The following CCDC83 variants were observed in gnomAD, a reference collection of about 807,000 sequenced individuals.
The protein encoded by CCDC83 is coiled-coil domain-containing protein 83.
Under a neutral mutation model 50.1 loss-of-function variants are expected in CCDC83, and 54 were observed. The ratio of observed to expected loss-of-function variants is 1.08; its 90% confidence interval spans 0.87 to 1.35. The LOEUF is 1.35. Ranked by LOEUF, CCDC83 falls within the 40% of genes most tolerant of loss-of-function variation. The pLI is 0.00. For missense variants in CCDC83, 518 were observed against 473.9 expected (o/e 1.09, Z -0.86); for synonymous variants, 161 against 153.3 (o/e 1.05, Z -0.37).
At chr11:85,891,145 C>T (rs550629473) in intron 5 of CCDC83, among the ~76,000 whole-genome samples, 1 of 152,344 alleles carries the variant, frequency 6.6e-6, no homozygotes, top group South Asian at 2.1e-4. Context: ...TGTCCCCCTT[C>T]TCTTCTACTT....
intron 3 of CCDC83, among the ~76,000 whole-genome samples, chr11:85,873,896 C>T (rs1293081039): frequency 5.9e-5 from 9 of 152,178 alleles, no homozygotes; most frequent in Admixed American, 5.9e-4. Context: ...TGATGAAATA[C>T]TGAGAGTGCC....
chr11:85,914,948 C>G (rs1229484112), intron 8 of CCDC83, among the ~76,000 whole-genome samples: 10 of 152,130 alleles, frequency 6.6e-5, no homozygotes, highest in Non-Finnish European at 1.3e-4. Context: ...AGAAAAGCCC[C>G]TTATAAATTA....
intron 5 of CCDC83, among the ~76,000 whole-genome samples, chr11:85,893,059 TTC>T (rs1339999565): frequency 6.6e-6 from 1 of 151,704 alleles, no homozygotes; most frequent in Non-Finnish European, 1.5e-5. Flanking sequence ...AACTCTCCCT[TTC>T]TCTCTCTCTC....
Position 85,916,074 on chromosome 11 carries a change from G to C in CCDC83, c.921G>C (p.Leu307Phe), listed in dbSNP as rs1264543323. The C allele has an allele frequency of 1.2e-6, 2 of 1,613,264 alleles. No homozygotes were observed. The highest frequency in any genetic ancestry group is 1.7e-5 in the Admixed American group (1 of 59,928). The change falls in exon 10 of 11, where the codon TTG (leucine) becomes TTC (phenylalanine). Residue 307 changes from leucine to phenylalanine, a missense_variant. Physicochemically the swap from Leu to Phe is conservative, Grantham distance 22. Transcript: ENST00000342404. Reference protein sequence around the residue: ...LQPTEVESRDLMSSSDESTIL... With the variant: ...LQPTEVESRDFMSSSDESTIL... ...CCACAGAAGTAGAAAGTAGAGACTT[G>C]ATGTCCTCATCAGATGAGAGCACTA... is the stretch of plus-strand genomic sequence containing the variant.
chr11:85,910,212 C>A (rs1278709755), intron 7 of CCDC83, among the ~76,000 whole-genome samples: 2 of 152,182 alleles, frequency 1.3e-5, no homozygotes, highest in Non-Finnish European at 2.9e-5. Flanking sequence ...TCCGATGGCA[C>A]CAGGATGGCT....
Position 85,882,667 on chromosome 11 carries a change from A to G in CCDC83, c.335A>G (p.Asn112Ser). ...KWKFERDQEK[N>S]LRDMRMQISN... The stretch of plus-strand genomic sequence containing the variant: ...AAGTTTGAAAGAGACCAGGAAAAAA[A>G]CTTGAGAGGTGATTTAGGAACATAG... The change falls in exon 4 of 11, where the codon AAC becomes AGC. Residue 112 changes from asparagine to serine, a missense_variant. Asn to Ser is a conservative substitution (Grantham distance 46, BLOSUM62 1). Coordinates refer to ENST00000342404, the MANE Select transcript of CCDC83 (RefSeq NM_001286159.2). The G allele has an allele frequency of 1.2e-6, 2 of 1,613,614 alleles. No individual in the cohort carries two copies. The highest frequency in any genetic ancestry group is 1.7e-5 in the Admixed American group (1 of 59,914).
intron 1 of CCDC83, among the ~76,000 whole-genome samples, chr11:85,860,628 G>A (rs558839926): frequency 7.9e-5 from 12 of 152,206 alleles, no homozygotes; most frequent in Non-Finnish European, 1.3e-4. Context: ...CAGCAATCTC[G>A]CTACTGGATA....
At chr11:85,875,261 C>A (rs1181901005) in intron 3 of CCDC83, among the ~76,000 whole-genome samples, 1 of 152,136 alleles carries the variant, frequency 6.6e-6, no homozygotes, top group African/African-American at 2.4e-5. Context: ...GGATGAGGAC[C>A]AATCAGAGGA....
At position 85,908,605 on chromosome 11, in the gene CCDC83, AGATAGACAGAT is replaced by A. The variant is rs1186455625; in HGVS notation, c.673-2675_673-2665del. 4.2e-3 allele frequency among the ~76,000 whole-genome samples: 558 copies of A among 134,264 alleles called. 1 individual carries two copies. The highest frequency in any genetic ancestry group is 6.0e-3 in the Non-Finnish European group (372 of 62,404). The allele number at this position is 134,264 out of a possible 152,430, so 88.1% of individuals were successfully genotyped here. On this transcript the variant is annotated intron_variant, in intron 7 of 10. Transcript: ENST00000342404. ...TAGATAGATAGATAGATAGATAGAT[AGATAGACAGAT>A]AGAATTCATGGCCGGGTGGCTCATG...
chr11:85,889,731 C>T (rs1202845981), intron 5 of CCDC83, among the ~76,000 whole-genome samples: 7 of 152,162 alleles, frequency 4.6e-5, no homozygotes, highest in African/African-American at 1.7e-4. Flanking sequence ...AATTCTCCTC[C>T]AATGATTATG....
At chr11:85,907,448 T>C (rs1197622589) in intron 7 of CCDC83, among the ~76,000 whole-genome samples, 1 of 152,210 alleles carries the variant, frequency 6.6e-6, no homozygotes, top group African/African-American at 2.4e-5. Flanking sequence ...ATTTCAAGTA[T>C]GAGGAGACAT....
At chr11:85,883,355 T>C (rs528452555) in intron 4 of CCDC83, among the ~76,000 whole-genome samples, 150 of 152,116 alleles carry the variant, frequency 9.9e-4, no homozygotes, top group Non-Finnish European at 1.6e-3. Flanking sequence ...CAGCTTAGAT[T>C]TGGGAATGAT....
At chr11:85,886,998 G>A (rs1292776993) in intron 5 of CCDC83, among the ~76,000 whole-genome samples, 1 of 152,170 alleles carries the variant, frequency 6.6e-6, no homozygotes, top group East Asian at 1.9e-4. Flanking sequence ...AGATAGGAGT[G>A]TCCTGAGGCC....
At chr11:85,917,192 G>GAAAGAAAGAAAGAAAGAAAGAAAGAGAA (rs368407830) in intron 10 of CCDC83, among the ~76,000 whole-genome samples, 1 of 79,798 alleles carries the variant, frequency 1.3e-5, no homozygotes, top group Non-Finnish European at 2.6e-5. Flanking sequence ...AAGAAAGAAA[G>GAAAGAAAGAAAGAAAGAAAGAAAGAGAA]AGAAAGAAAG....
intron 10 of CCDC83, among the ~76,000 whole-genome samples, chr11:85,917,159 A>G (rs12284653): frequency 9.1e-4 from 93 of 101,744 alleles, no homozygotes; most frequent in South Asian, 2.0e-3. Context: ...AGAGAGAGAG[A>G]GAGAGAGAGA....
chr11:85,908,932 G>GT (rs1266345806), intron 7 of CCDC83, among the ~76,000 whole-genome samples: 1 of 151,702 alleles, frequency 6.6e-6, no homozygotes, highest in Non-Finnish European at 1.5e-5. Context: ...GGTTTTTTTG[G>GT]TTTTTTGTTT....
intron 2 of CCDC83, 29 bp from the exon 3 acceptor site, chr11:85,873,182 T>C (rs772433028): frequency 3.3e-6 from 4 of 1,223,892 alleles, no homozygotes; most frequent in Middle Eastern, 3.9e-4. Flanking sequence ...TAAATGATTC[T>C]AACACATTTT....
intron 8 of CCDC83, among the ~76,000 whole-genome samples, chr11:85,913,563 G>A (rs2093464513): frequency 6.6e-6 from 1 of 152,138 alleles, no homozygotes; most frequent in South Asian, 2.1e-4. Context: ...ATACTAGTAG[G>A]GTGATAAGAA....
intron 5 of CCDC83, 58 bp downstream of exon 5, chr11:85,886,425 ATTGATGG>A: frequency 7.2e-7 from 1 of 1,384,170 alleles, no homozygotes; most frequent in Non-Finnish European, 9.6e-7. Context: ...TAGGGCATAC[ATTGATGG>A]AAGAAAAAAG....
Sources: allele counts gnomAD v4.1 joint callset (sites outside exome capture counted in the v4.1 genomes callset), GRCh38; gene constraint gnomAD v4.1.1; transcripts MANE v1.5; gene names NCBI Gene and HGNC (gene_info 2026-07-23, HGNC 2026-07-21).